GNAI1: variants seen among roughly 807,000 people sequenced by gnomAD.
The protein encoded by GNAI1 is guanine nucleotide-binding protein G(i) subunit alpha-1.
Under a neutral mutation model 38.9 loss-of-function variants are expected in GNAI1, and 11 were observed. The observed-to-expected ratio is 0.28, with a 90% CI of 0.18 to 0.47. The LOEUF (loss-of-function observed/expected upper bound fraction) is 0.47. Among genes scored for constraint, GNAI1 ranks in the 20% least tolerant of loss-of-function variants. The probability of loss-of-function intolerance (pLI) is 0.99; values close to 1 mark genes in which losing one functional copy is unlikely to be tolerated. For missense variants in GNAI1, 317 were observed against 436.9 expected, an observed-to-expected ratio of 0.73 and a Z score of 2.45; for synonymous variants, 166 against 145.1, an observed-to-expected ratio of 1.14 and a Z score of -1.04.
At chr7:80,217,041 A>G (rs1788979996) in intron 7 of GNAI1, among the ~76,000 whole-genome samples, 2 of 152,146 alleles carry the variant, frequency 1.3e-5, no homozygotes, top group Admixed American at 1.3e-4. Context: ...GCAGGAACAA[A>G]GATCATGATG....
At chr7:80,174,599 T>C (rs1289751707) in intron 1 of GNAI1, among the ~76,000 whole-genome samples, 1 of 152,004 alleles carries the variant, frequency 6.6e-6, no homozygotes, top group Admixed American at 6.5e-5. Flanking sequence ...TTACTTTTTT[T>C]CTTCAAGTAG....
In GNAI1 at chr7:80,223,848, TTAACA is replaced by T. The variant is rs1278014424; in HGVS notation, c.*6358_*6362del. On this transcript the variant is annotated 3_prime_UTR_variant, in exon 8 of 8. Coordinates refer to ENST00000649796, the MANE Select transcript of GNAI1 (RefSeq NM_002069.6). ...AACCATTTAACCATTCTTGAATTTC[TTAACA>T]TAGTAAGTTACAAATTTTAACTATG... 5.9e-5 allele frequency among the ~76,000 whole-genome samples: 9 copies of T among 152,222 alleles called. No homozygotes were observed. Among genetic ancestry groups the T allele is most frequent in the Non-Finnish European group, 1.3e-4 (9 of 68,032 alleles).
chr7:80,137,299 T>TC (rs1223208479), intron 1 of GNAI1, among the ~76,000 whole-genome samples: 2 of 112,910 alleles, frequency 1.8e-5, no homozygotes, highest in East Asian at 2.3e-4. Flanking sequence ...TTTTCTTTTT[T>TC]TTTTTTTCTT....
At chr7:80,207,502 A>T (rs1406532941) in intron 5 of GNAI1, among the ~76,000 whole-genome samples, 1 of 152,072 alleles carries the variant, frequency 6.6e-6, no homozygotes, top group Admixed American at 6.6e-5. Context: ...TTGGTGACTT[A>T]AAGATAAACA....
chr7:80,151,460 G>T (rs1473887981), intron 1 of GNAI1, among the ~76,000 whole-genome samples: 1 of 151,478 alleles, frequency 6.6e-6, no homozygotes. Context: ...AACATGACTT[G>T]TTCTCTCCTG....
chr7:80,145,421 G>A (rs1787602363), intron 1 of GNAI1, among the ~76,000 whole-genome samples: 1 of 152,074 alleles, frequency 6.6e-6, no homozygotes, highest in African/African-American at 2.4e-5. Context: ...TTATATGAAG[G>A]TTGGGCTTCT....
chr7:80,154,821 G>A (rs576138898), intron 1 of GNAI1, among the ~76,000 whole-genome samples: 1 of 152,218 alleles, frequency 6.6e-6, no homozygotes, highest in African/African-American at 2.4e-5. Context: ...TGGAGCTTTG[G>A]GCTCAGCAAT....
intron 5 of GNAI1, among the ~76,000 whole-genome samples, chr7:80,210,519 T>G (rs1023615649): frequency 2.0e-5 from 3 of 152,122 alleles, no homozygotes; most frequent in African/African-American, 7.2e-5. Context: ...CATGTTTTAG[T>G]AGGAGGAGGG....
intron 1 of GNAI1, among the ~76,000 whole-genome samples, chr7:80,162,825 G>T (rs1053532547): frequency 1.3e-5 from 2 of 152,198 alleles, no homozygotes; most frequent in Non-Finnish European, 2.9e-5. Context: ...TGTGGGAAGA[G>T]ATTTAAGAGA....
chr7:80,196,565 TAATG>T (rs1413172932), intron 3 of GNAI1, among the ~76,000 whole-genome samples: 5 of 152,038 alleles, frequency 3.3e-5, no homozygotes, highest in East Asian at 3.8e-4. Context: ...CTATTTTAGA[TAATG>T]AATCATTGAC....
In GNAI1 at chr7:80,220,424, G is replaced by A. The variant is rs1408006361; in HGVS notation, c.*2931G>A. Reference sequence around the variant, plus strand: ...TCCTCTGGCATCTGTTCTTCAGGGTGCCCTTCTGGGAACTACATGATTCTG... The same window carrying A: ...TCCTCTGGCATCTGTTCTTCAGGGTACCCTTCTGGGAACTACATGATTCTG... On this transcript the variant is annotated 3_prime_UTR_variant, in exon 8 of 8. Coordinates refer to ENST00000649796, the MANE Select transcript of GNAI1 (RefSeq NM_002069.6). Among the ~76,000 whole-genome samples, 9 of 151,988 alleles carry A rather than the reference G, an allele frequency of 5.9e-5. No individual in the cohort carries two copies. In the East Asian group the frequency reaches 1.5e-3, roughly 26 times the overall value.
chr7:80,204,020 A>G (rs1788731653), intron 5 of GNAI1, among the ~76,000 whole-genome samples, 188 bp downstream of exon 5: 2 of 152,136 alleles, frequency 1.3e-5, no homozygotes, highest in Admixed American at 1.3e-4. Context: ...CCTAAGAGGA[A>G]TGTTTTTATT....
At chr7:80,166,745 A>G (rs928557502) in intron 1 of GNAI1, among the ~76,000 whole-genome samples, 7 of 152,162 alleles carry the variant, frequency 4.6e-5, no homozygotes, top group Non-Finnish European at 8.8e-5. Context: ...ACCTCTCACT[A>G]ATACTACTGT....
chr7:80,212,986 T>TA, intron 7 of GNAI1, 117 bp downstream of exon 7: 3 of 673,126 alleles, frequency 4.5e-6, no homozygotes, highest in South Asian at 2.2e-5. Context: ...CTTAGACCTT[T>TA]AAGGGGTATT....
intron 1 of GNAI1, among the ~76,000 whole-genome samples, chr7:80,186,023 CTT>C (rs533371119): frequency 3.2e-4 from 33 of 103,490 alleles, no homozygotes; most frequent in African/African-American, 1.2e-3. Flanking sequence ...CATCCGCACT[CTT>C]TTTTTTTTTT....
intron 1 of GNAI1, among the ~76,000 whole-genome samples, chr7:80,160,057 CTG>C (rs750117860): frequency 2.5e-4 from 38 of 152,246 alleles, no homozygotes; most frequent in Admixed American, 8.5e-4. Flanking sequence ...CTTTAAGGAT[CTG>C]TGCTCAGAGG....
intron 1 of GNAI1, among the ~76,000 whole-genome samples, chr7:80,181,261 G>T (rs1788288451): frequency 6.6e-6 from 1 of 152,134 alleles, no homozygotes; most frequent in South Asian, 2.1e-4. Context: ...GTGACTGACA[G>T]TCAAACCAGA....
intron 1 of GNAI1, among the ~76,000 whole-genome samples, chr7:80,137,082 T>C (rs1487502183): frequency 1.3e-5 from 2 of 152,082 alleles, no homozygotes; most frequent in Non-Finnish European, 2.9e-5. Context: ...GCTCCAAAAG[T>C]GTTTCCACAT....
At chr7:80,165,655 A>AT (rs1788000223) in intron 1 of GNAI1, among the ~76,000 whole-genome samples, 1 of 151,994 alleles carries the variant, frequency 6.6e-6, no homozygotes, top group Non-Finnish European at 1.5e-5. Flanking sequence ...ATTTATTTTT[A>AT]TTTTTTCATT....
Sources: gnomAD v4.1 joint callset for allele counts (sites outside exome capture counted in the v4.1 genomes callset) on GRCh38, gnomAD v4.1.1 for gene constraint, MANE v1.5 for transcripts, NCBI Gene and HGNC (gene_info 2026-07-23, HGNC 2026-07-21) for gene names.